Variants in SBNO2 observed in about 807,000 individuals in gnomAD.
The protein encoded by SBNO2 is protein strawberry notch homolog 2.
SBNO2 carries 89 observed loss-of-function variants against 146.3 expected under a neutral mutation model. The ratio of observed to expected loss-of-function variants is 0.61; its 90% CI spans 0.51 to 0.73. SBNO2 has a LOEUF of 0.73. Among genes scored for constraint, SBNO2 ranks in the 30% least tolerant of loss-of-function variants. The pLI is 0.00. For missense variants in SBNO2, 2,092 were observed against 2,003.7 expected (o/e 1.04, Z -0.84); for synonymous variants, 1,147 against 892.6 (o/e 1.29, Z -5.08).
rs1359625858 is a variant in SBNO2 at position 1,123,969 on chromosome 19, G to A, written c.495C>T (p.His165=). The change falls in exon 6 of 32, where the codon CAC becomes CAT. Residue 165 remains histidine (H), a synonymous_variant. Transcript: ENST00000361757. ...FAGFEDFLPS[H]STPLLVSYQE... is the part of the protein sequence containing the mutation. The stretch of plus-strand genomic sequence containing the variant: ...GGTAGCTGACGAGAAGCGGGGTGCT[G>A]TGGGAGGGCAGAAAGTCCTCGAAGC... 1 of 1,611,854 alleles carries A rather than the reference G, an allele frequency of 6.2e-7. No homozygotes were observed. Among genetic ancestry groups the A allele is most frequent in the African/African-American group, 1.3e-5 (1 of 74,884 alleles).
rs769666235 is a variant in SBNO2, at chr19:1,119,014, C to A, written c.1524G>T (p.Leu508=). 2 of 1,589,298 alleles carry A rather than the reference C, an allele frequency of 1.3e-6. No individual in the cohort carries two copies. The highest frequency in any genetic ancestry group is 1.7e-6 in the Non-Finnish European group (2 of 1,169,530). ...AFECVYNRAA[L]LWAEALNVFQ... ...CGGGTCGGGTGCGCAGGCTCACCAG[C>A]AGGGCCGCGCGGTTGTAGACGCACT... Residue 508 remains leucine (L), a synonymous_variant, in exon 14 of 32, where the codon CTG becomes CTT. Transcript: ENST00000361757.
intron 4 of SBNO2, among the ~76,000 whole-genome samples, chr19:1,138,241 C>A (rs1030860287): frequency 1.5e-5 from 2 of 134,370 alleles, no homozygotes; most frequent in African/African-American, 5.8e-5. Context: ...GAAGAGGCAC[C>A]AGGGGCTGCC....
intron 17 of SBNO2, chr19:1,115,475 A>C (rs1350097063): frequency 6.5e-6 from 1 of 153,746 alleles, no homozygotes; most frequent in Non-Finnish European, 1.5e-5. Flanking sequence ...TCCTGACCTC[A>C]GGTGATCCAC....
At position 1,109,873 on chromosome 19, in the gene SBNO2, C is replaced by A; in HGVS notation, c.3029-96G>T. 3 of 856,406 alleles carry A rather than the reference C, an allele frequency of 3.5e-6. No individual in the cohort carries two copies. The highest frequency in any genetic ancestry group is 5.4e-6 in the Non-Finnish European group (3 of 560,082). The allele number at this position is 856,406 out of a possible 1,614,324, so 53.1% of individuals were successfully genotyped here. On this transcript the variant is annotated intron_variant, in intron 26 of 31. Transcript: ENST00000361757. This position sits in a 1 kb window ranked among gnomAD's most constrained non-coding sequence, Gnocchi z 4.2. Reference sequence around the variant, plus strand: ...TAGCCGGGGCGCACCCTAGAGACGACCCCCCGAGAGCACAGGAGAGGGTGT... The same window carrying A: ...TAGCCGGGGCGCACCCTAGAGACGAACCCCCGAGAGCACAGGAGAGGGTGT...
chr19:1,110,574 G>A lies in SBNO2; in HGVS notation c.3028+171C>T. On this transcript the variant is annotated intron_variant, in intron 26 of 31. Coordinates refer to ENST00000361757, the MANE Select transcript of SBNO2 (RefSeq NM_014963.3). The surrounding 1 kb of genome is among the most constrained non-coding windows in gnomAD (Gnocchi z 4.9). ...GCCCCGAGCCCACCTGGGATGCCCG[G>A]CGTTCCCACGAGCCCCTCGCCCACC... 1.5e-6 allele frequency: 1 copy of A among 665,734 alleles called. No individual in the cohort carries two copies. The highest frequency in any genetic ancestry group is 2.2e-6 in the Non-Finnish European group (1 of 447,962). 41.2% of individuals were successfully genotyped at this position (665,734 alleles called of 1,614,324 possible).
chr19:1,110,145 TG>T lies in SBNO2; in HGVS notation c.3029-369del, dbSNP rs1186059161. On this transcript the variant is annotated intron_variant, in intron 26 of 31. Transcript: ENST00000361757. The surrounding 1 kb of genome is among the most constrained non-coding windows in gnomAD (Gnocchi z 4.9). ...AGGAGCCTGGGGGCTGCTCAGGTGC[TG>T]GGTGACCCCAAGCAGGCTGTGGGGG... Among the ~76,000 whole-genome samples the T allele has an allele frequency of 6.6e-6, 1 of 152,006 alleles. No homozygotes were observed. The highest frequency in any genetic ancestry group is 1.5e-5 in the Non-Finnish European group (1 of 67,942).
At chr19:1,160,766 G>A (rs940990961) in intron 1 of SBNO2, among the ~76,000 whole-genome samples, 3 of 152,278 alleles carry the variant, frequency 2.0e-5, no homozygotes, top group African/African-American at 7.2e-5. Context: ...CCGATTTCAG[G>A]TGATCCGCCC....
chr19:1,122,835 G>A lies in SBNO2; in HGVS notation c.781-44C>T, dbSNP rs200118712. On this transcript the variant is annotated intron_variant, in intron 8 of 31. Coordinates refer to ENST00000361757, the MANE Select transcript of SBNO2 (RefSeq NM_014963.3). ...CGTCAGGGCCTGGGGGTGCTGGCCC[G>A]GCCCCTCCCCAGGGGCCTCGCGGAC... 97 of 1,537,610 alleles carry A rather than the reference G, an allele frequency of 6.3e-5. 1 individual carries two copies. In the Admixed American group the frequency reaches 1.3e-3, roughly 21 times the overall value.
rs1390599483 is a variant in SBNO2, at chr19:1,109,320, A to G, written c.3320T>C (p.Leu1107Pro). ...NIGRQSQLEALDSLRRKFHRV... is the reference protein window; with the variant it reads ...NIGRQSQLEAPDSLRRKFHRV... ...GTGGAACTTGCGGCGGAGGCTGTCC[A>G]GGGCCTCCAGCTGGCTCTGCCGGCC... is the stretch of plus-strand genomic sequence containing the variant. Residue 1107 changes from leucine (L) to proline (P), a missense_variant, in exon 29 of 32, where the codon CTG becomes CCG. Transcript: ENST00000361757. This position sits in a 1 kb window ranked among gnomAD's most constrained non-coding sequence, Gnocchi z 4.2. 3.1e-6 allele frequency: 5 copies of G among 1,597,022 alleles called. No homozygotes were observed. In the South Asian group the frequency reaches 4.5e-5, roughly 14 times the overall value.
intron 1 of SBNO2, among the ~76,000 whole-genome samples, chr19:1,156,906 C>T (rs538055387): frequency 1.0e-3 from 152 of 151,784 alleles, no homozygotes; most frequent in African/African-American, 3.5e-3. Flanking sequence ...CTCCTGAGAA[C>T]GCCCACCCTC....
At position 1,109,460 on chromosome 19, in the gene SBNO2, C is replaced by G. The variant is rs1376537633; in HGVS notation, c.3217-37G>C. ...GGCGTTGAGGCCGCGCCCCGGTCCG[C>G]CCCCCGCGGGCCCTCCTCTGGGGGG... On this transcript the variant is annotated intron_variant, in intron 28 of 31. Transcript: ENST00000361757. The surrounding 1 kb of genome is among the most constrained non-coding windows in gnomAD (Gnocchi z 4.2). 6.4e-7 allele frequency: 1 copy of G among 1,565,934 alleles called. No homozygotes were observed. Among genetic ancestry groups the G allele is most frequent in the Non-Finnish European group, 8.6e-7 (1 of 1,156,718 alleles).
rs547177505 is a variant in SBNO2 at position 1,140,354 on chromosome 19, T to C, written c.279+6955A>G. The stretch of plus-strand genomic sequence containing the variant: ...GAGCCACGTGTCCACAGAACCACGG[T>C]TCACCTGCACACCGCGGCAGGGGGC... On this transcript the variant is annotated intron_variant, in intron 4 of 31. Transcript: ENST00000361757. The surrounding 1 kb of genome is among the most constrained non-coding windows in gnomAD (Gnocchi z 4.4). 6.6e-6 allele frequency among the ~76,000 whole-genome samples: 1 copy of C among 150,896 alleles called. No homozygotes were observed. Among genetic ancestry groups the C allele is most frequent in the African/African-American group, 2.4e-5 (1 of 40,980 alleles).
intron 4 of SBNO2, among the ~76,000 whole-genome samples, chr19:1,145,527 G>A (rs958381776): frequency 2.6e-5 from 4 of 151,516 alleles, no homozygotes; most frequent in Admixed American, 6.6e-5. Context: ...CACACAGAAA[G>A]AGGCAGAGAA....
intron 2 of SBNO2, among the ~76,000 whole-genome samples, chr19:1,151,658 A>G (rs1446066214): frequency 6.6e-6 from 1 of 151,876 alleles, no homozygotes; most frequent in East Asian, 1.9e-4. Context: ...CTGCCTGGTG[A>G]TTTTCTTTCC....
At chr19:1,151,298 G>A (rs985873449) in intron 2 of SBNO2, among the ~76,000 whole-genome samples, 3 of 152,242 alleles carry the variant, frequency 2.0e-5, no homozygotes, top group Non-Finnish European at 4.4e-5. Flanking sequence ...GCTGCAGGAA[G>A]GGGGCGGGGG....
chr19:1,113,826 G>C lies in SBNO2; in HGVS notation c.2078-122C>G, dbSNP rs1005083978. On this transcript the variant is annotated intron_variant, in intron 18 of 31. Coordinates refer to ENST00000361757, the MANE Select transcript of SBNO2 (RefSeq NM_014963.3). Reference sequence around the variant, plus strand: ...CCGGGGCAACCCTGAGGGACGGCAGGGTGGCGGGGAAGCCCGGCACCGTGG... The same window carrying C: ...CCGGGGCAACCCTGAGGGACGGCAGCGTGGCGGGGAAGCCCGGCACCGTGG... 9.4e-6 allele frequency: 12 copies of C among 1,281,264 alleles called. No individual in the cohort carries two copies. In the East Asian group the frequency reaches 3.7e-4, roughly 40 times the overall value. 79.4% of individuals were successfully genotyped at this position (1,281,264 alleles called of 1,614,324 possible). A position where few individuals can be genotyped will look rare whatever the true frequency, so the allele number is the denominator to read the frequency against.
intron 4 of SBNO2, among the ~76,000 whole-genome samples, chr19:1,141,732 C>G (rs2080139351): frequency 1.3e-5 from 2 of 152,138 alleles, no homozygotes; most frequent in African/African-American, 2.4e-5. Context: ...ATGCCTCAGT[C>G]AAATAGATGG....
rs1247529556 is a variant in SBNO2 at position 1,122,223 on chromosome 19, C to T, written c.1065G>A (p.Leu355=). Residue 355 remains leucine, a synonymous_variant, in exon 11 of 32, where the codon CTG becomes CTA. Transcript: ENST00000361757. The part of the protein sequence containing the change: ...EGVLFATYSA[L]IGESQAGGQH... ...GGCCGCCGGCCTGGCTCTCCCCAAT[C>T]AGGGCGGAGTAGGTGGCGAAGAGGA... 3.2e-6 allele frequency: 5 copies of T among 1,573,328 alleles called. No individual in the cohort carries two copies. The highest frequency in any genetic ancestry group is 4.3e-6 in the Non-Finnish European group (5 of 1,160,524).
At chr19:1,168,426 C>T (rs2145358204) in intron 1 of SBNO2, among the ~76,000 whole-genome samples, 1 of 152,296 alleles carries the variant, frequency 6.6e-6, no homozygotes. Flanking sequence ...CGGGGCTGGG[C>T]CCCTGCCCCA....
Sources: gnomAD v4.1 joint callset for allele counts (sites outside exome capture counted in the v4.1 genomes callset) on GRCh38, gnomAD v4.1.1 for gene constraint, Gnocchi (gnomAD v3.1) non-coding constraint, MANE v1.5 for transcripts, NCBI Gene and HGNC (gene_info 2026-07-23, HGNC 2026-07-21) for gene names.